The following TTC21B variants were observed in gnomAD, a reference collection of about 807,000 sequenced individuals.
TTC21B encodes the protein tetratricopeptide repeat protein 21B.
In TTC21B, 127 loss-of-function variants were observed where a neutral mutation model predicts 175.1. The ratio of observed to expected loss-of-function variants is 0.73; its 90% CI spans 0.63 to 0.84. TTC21B has a LOEUF of 0.84. TTC21B is among the 40% of genes least tolerant of loss of function. TTC21B has a pLI of 0.00. For synonymous variants in TTC21B, 524 were observed against 524.5 expected (o/e 1.00, Z 0.01); for missense variants, 1,561 against 1,558.3 (o/e 1.00, Z -0.03).
In TTC21B at chr2:165,917,299, G is replaced by T; in HGVS notation, c.1857C>A (p.Ile619=). The T allele has an allele frequency of 6.2e-7, 1 of 1,614,144 alleles. No homozygotes were observed. Among genetic ancestry groups the T allele is most frequent in the South Asian group, 1.1e-5 (1 of 91,084 alleles). Residue 619 remains isoleucine, a synonymous_variant, in exon 14 of 29, where the codon ATC becomes ATA. Coordinates refer to ENST00000243344, the MANE Select transcript of TTC21B (RefSeq NM_024753.5). ...TEVDTSHRLS[I]FLELIDVHRL... ...GGTGAACGTCTATCAATTCAAGAAA[G>T]ATCGATAAACGATGGCTTGTATCAA... is the stretch of plus-strand genomic sequence containing the variant.
At chr2:165,948,293 T>C (rs1016675698) in intron 3 of TTC21B, 1 of 152,190 alleles carries the variant, frequency 6.6e-6, no homozygotes, top group Non-Finnish European at 1.5e-5. Flanking sequence ...AATAGAAACA[T>C]TGGAATTTAA....
In TTC21B at chr2:165,909,150, A is replaced by C. The variant is rs190310877; in HGVS notation, c.2462-1366T>G. Among the ~76,000 whole-genome samples the C allele has an allele frequency of 2.0e-5, 3 of 152,262 alleles. No homozygotes were observed. The East Asian group carries it at 5.8e-4, about 29-fold the overall frequency. On this transcript the variant is annotated intron_variant, in intron 18 of 28. Coordinates refer to ENST00000243344, the MANE Select transcript of TTC21B (RefSeq NM_024753.5). Reference sequence around the variant, plus strand: ...AATGTATATGAAGGAGTTTATTATAAAATAAAGGAGCCAGTTCCATAAATG... The same window carrying C: ...AATGTATATGAAGGAGTTTATTATACAATAAAGGAGCCAGTTCCATAAATG...
Position 165,932,966 on chromosome 2 carries a change from C to G in TTC21B, c.795+7G>C, listed in dbSNP as rs763623467. On this transcript the variant is annotated splice_region_variant and intron_variant, in intron 7 of 28. Transcript: ENST00000243344. ...ATAGGAAACTTAAATAATACAATGC[C>G]ACTTACCTTCTCTATATCCCCCTCT... is the stretch of plus-strand genomic sequence containing the variant. 1.2e-6 allele frequency: 2 copies of G among 1,610,084 alleles called. No individual in the cohort carries two copies. Among genetic ancestry groups the G allele is most frequent in the Non-Finnish European group, 8.5e-7 (1 of 1,177,098 alleles).
At chr2:165,907,652 C>A in intron 19 of TTC21B, 26 bp downstream of exon 19, 1 of 1,494,914 alleles carries the variant, frequency 6.7e-7, no homozygotes, top group Admixed American at 1.7e-5. Context: ...TACCTCATGA[C>A]CACACTCACA....
intron 11 of TTC21B, among the ~76,000 whole-genome samples, chr2:165,925,456 G>GT (rs1269580019): frequency 1.3e-5 from 2 of 152,116 alleles, no homozygotes; most frequent in African/African-American, 4.8e-5. Flanking sequence ...TACTAAGGCT[G>GT]TTTCTTTATG....
chr2:165,940,665 C>T (rs1436484263), intron 6 of TTC21B, among the ~76,000 whole-genome samples: 1 of 152,184 alleles, frequency 6.6e-6, no homozygotes, highest in Admixed American at 6.5e-5. Flanking sequence ...CCTCAACACT[C>T]CCCATCTCTT....
At position 165,874,762 on chromosome 2, in the gene TTC21B, C is replaced by G. The variant is rs774945251; in HGVS notation, c.3944G>C (p.Arg1315Thr). The change falls in exon 29 of 29, where the codon AGA becomes ACA. Residue 1315 changes from arginine (R) to threonine (T), a missense_variant. Coordinates refer to ENST00000243344, the MANE Select transcript of TTC21B (RefSeq NM_024753.5). Reference protein sequence around the residue: ...DILDKARASLRP With the variant: ...DILDKARASLTP The stretch of plus-strand genomic sequence containing the variant: ...CCTAAGTTAAAATTATTTTCAAGGT[C>G]TTAAAGACGCACGGGCCTTATCAAG... 6.2e-7 allele frequency: 1 copy of G among 1,613,436 alleles called. No homozygotes were observed. Among genetic ancestry groups the G allele is most frequent in the Non-Finnish European group, 8.5e-7 (1 of 1,179,574 alleles).
chr2:165,920,145 C>A (rs1021786297), intron 12 of TTC21B, among the ~76,000 whole-genome samples: 2 of 152,122 alleles, frequency 1.3e-5, no homozygotes, highest in Non-Finnish European at 2.9e-5. Flanking sequence ...CATGATGTAA[C>A]CCGCACTGAT....
chr2:165,950,907 C>T (rs185029240), intron 1 of TTC21B, among the ~76,000 whole-genome samples: 28 of 152,258 alleles, frequency 1.8e-4, no homozygotes, highest in East Asian at 3.9e-4. Flanking sequence ...CACGCCCGTC[C>T]GACAGCTCTG....
chr2:165,895,745 G>A (rs1315230326), intron 22 of TTC21B, among the ~76,000 whole-genome samples: 2 of 152,166 alleles, frequency 1.3e-5, no homozygotes, highest in East Asian at 3.9e-4. Context: ...CAGAGTGAGT[G>A]GAAGAGGTGA....
chr2:165,949,148 TA>T, intron 3 of TTC21B: 1 of 489,600 alleles, frequency 2.0e-6, no homozygotes, highest in South Asian at 2.5e-5. Context: ...CCCTTTTATC[TA>T]AAAAAATCCC....
In TTC21B at chr2:165,898,764, T is replaced by C. The variant is rs1685455503; in HGVS notation, c.2872A>G (p.Met958Val). 3 of 1,607,716 alleles carry C rather than the reference T, an allele frequency of 1.9e-6. No homozygotes were observed. The East Asian group carries it at 6.7e-5, about 36-fold the overall frequency. Residue 958 changes from methionine (M) to valine (V), a missense_variant, in exon 22 of 29, where the codon ATG (methionine) becomes GTG (valine). Physicochemically the swap from Met to Val is conservative, Grantham distance 21 (BLOSUM62 1). Coordinates refer to ENST00000243344, the MANE Select transcript of TTC21B (RefSeq NM_024753.5). ...DQDNEAATMMMADLMFRKQDY... is the reference protein window; with the variant it reads ...DQDNEAATMMVADLMFRKQDY... ...TGTTTTCTGAACATGAGATCAGCCA[T>C]CATCTATAAAGATAAAAGTTGGTTC...
chr2:165,884,962 T>C (rs1684954827), intron 25 of TTC21B, among the ~76,000 whole-genome samples: 1 of 152,138 alleles, frequency 6.6e-6, no homozygotes, highest in Non-Finnish European at 1.5e-5. Flanking sequence ...GGCTAGTGCA[T>C]AGCGAGACCT....
rs546887341 is a variant in TTC21B, at chr2:165,905,672, G to GA, written c.2568+2005dup. Among the ~76,000 whole-genome samples the GA allele has an allele frequency of 2.4e-4, 37 of 151,466 alleles. No individual in the cohort carries two copies. The South Asian group carries it at 6.3e-3, about 26-fold the overall frequency. Reference sequence around the variant, plus strand: ...AAGCAAAAATACATAGAACTAAATGGAAAAAAAAGAAATCCACAATTACAC... The same window carrying GA: ...AAGCAAAAATACATAGAACTAAATGGAAAAAAAAAGAAATCCACAATTACAC... On this transcript the variant is annotated intron_variant, in intron 19 of 28. Coordinates refer to ENST00000243344, the MANE Select transcript of TTC21B (RefSeq NM_024753.5).
In TTC21B at chr2:165,935,816, G is replaced by GA. The variant is rs1252414781; in HGVS notation, c.711-2760dup. On this transcript the variant is annotated intron_variant, in intron 6 of 28. Transcript: ENST00000243344. ...TTAAATTCTGACAAAAGAAATCAAGGAAAAACCAAATAAACGGAGAGATAT... is the reference window on the plus strand; with the variant it reads ...TTAAATTCTGACAAAAGAAATCAAGGAAAAAACCAAATAAACGGAGAGATAT... Among the ~76,000 whole-genome samples the GA allele has an allele frequency of 4.6e-5, 7 of 152,118 alleles. No homozygotes were observed. The East Asian group carries it at 1.4e-3, about 29-fold the overall frequency.
chr2:165,953,651 G>GCCCGCTCACCCGCTCACCCGCTCC (rs1687831622), intron 1 of TTC21B, 34 bp downstream of exon 1: 1 of 1,457,828 alleles, frequency 6.9e-7, no homozygotes, highest in African/African-American at 1.4e-5. Flanking sequence ...CCGCCCGCCC[G>GCCCGCTCACCCGCTCACCCGCTCC]CCCGCTCACC....
intron 12 of TTC21B, among the ~76,000 whole-genome samples, chr2:165,921,399 G>A (rs970144422): frequency 9.2e-5 from 14 of 152,116 alleles, no homozygotes; most frequent in Non-Finnish European, 1.3e-4. Context: ...AGAGGGCAAT[G>A]GAAGCTTTAC....
intron 19 of TTC21B, among the ~76,000 whole-genome samples, chr2:165,904,210 CTGGTAACTA>C (rs372509998): frequency 0.16 from 23,708 of 152,064 alleles, 2,159 homozygotes; most frequent in East Asian, 0.27. Context: ...CTTGTAGCTT[CTGGTAACTA>C]ACCTATGGCT....
Position 165,883,984 on chromosome 2 carries a change from G to C in TTC21B, c.3494C>G (p.Thr1165Arg). ...AGTCTGTTTCAAGATCATATAAGCC[G>C]TTGCCATTCCCAAGAGCGCTGGGAT... ...EHIPALLGMA[T>R]AYMILKQTPR... Residue 1165 changes from threonine (T) to arginine (R), a missense_variant, in exon 26 of 29, where the codon ACG becomes AGG. Transcript: ENST00000243344. The C allele has an allele frequency of 6.2e-7, 1 of 1,614,048 alleles. No individual in the cohort carries two copies. The highest frequency in any genetic ancestry group is 8.5e-7 in the Non-Finnish European group (1 of 1,179,988).
Sources: allele counts gnomAD v4.1 joint callset (sites outside exome capture counted in the v4.1 genomes callset), GRCh38; gene constraint gnomAD v4.1.1; transcripts MANE v1.5; gene names NCBI Gene and HGNC (gene_info 2026-07-23, HGNC 2026-07-21).